MAST2: variants seen among roughly 807,000 people sequenced by gnomAD.
The protein encoded by MAST2 is microtubule-associated serine/threonine-protein kinase 2.
In MAST2, 70 loss-of-function variants were observed where a neutral mutation model predicts 147.4. That is an observed-to-expected ratio of 0.47 (90% confidence interval 0.39 to 0.58). The LOEUF (loss-of-function observed/expected upper bound fraction) is 0.58, where lower values mean the gene tolerates loss of function less well. Among genes scored for constraint, MAST2 ranks in the 20% least tolerant of loss-of-function variants. The probability of loss-of-function intolerance (pLI) is 0.00; values close to 1 mark genes in which losing one functional copy is unlikely to be tolerated. For synonymous variants in MAST2, 869 were observed against 896.8 expected, an observed-to-expected ratio of 0.97 and a Z score of 0.55; for missense variants, 2,080 against 2,302.3, an observed-to-expected ratio of 0.90 and a Z score of 1.98.
chr1:45,855,426 T>G (rs1645756378), intron 3 of MAST2, among the ~76,000 whole-genome samples: 1 of 152,110 alleles, frequency 6.6e-6, no homozygotes, highest in Admixed American at 6.6e-5. Flanking sequence ...ATGTTGTAAT[T>G]TTTAGCATAC....
At chr1:46,012,136 T>C (rs1007923764) in intron 10 of MAST2, among the ~76,000 whole-genome samples, 1 of 152,214 alleles carries the variant, frequency 6.6e-6, no homozygotes, top group Non-Finnish European at 1.5e-5. Context: ...TTGTTTCTGT[T>C]CAAGAAAAGG....
intron 10 of MAST2, 125 bp from the exon 11 acceptor site, chr1:46,019,471 C>A: frequency 1.4e-6 from 1 of 695,888 alleles, no homozygotes; most frequent in Non-Finnish European, 2.4e-6. Context: ...CTCTGAGTTC[C>A]TTGCTTTGCG....
chr1:45,835,526 C>T (rs965190946), intron 3 of MAST2, among the ~76,000 whole-genome samples: 2 of 152,076 alleles, frequency 1.3e-5, no homozygotes, highest in African/African-American at 2.4e-5. Flanking sequence ...TTCTGTTGAA[C>T]ATTTTATCAT....
Position 45,959,355 on chromosome 1 carries a change from T to A in MAST2, c.501-31T>A, listed in dbSNP as rs1432065331. On this transcript the variant is annotated intron_variant, in intron 4 of 28. Transcript: ENST00000361297. ...GGTCTCTGGGCCCATGGTGTGGCCC[T>A]ATTATAATTCATATTTTGTTTTCAT... 1.9e-6 allele frequency: 3 copies of A among 1,578,856 alleles called. No individual in the cohort carries two copies. The African/African-American group carries it at 4.0e-5, about 21-fold the overall frequency.
rs532741178 is a variant in MAST2 at position 45,955,570 on chromosome 1, A to C, written c.501-3816A>C. 4.2e-4 allele frequency among the ~76,000 whole-genome samples: 64 copies of C among 152,236 alleles called. 1 individual carries two copies. Among genetic ancestry groups the C allele is most frequent in the African/African-American group, 1.4e-3 (59 of 41,552 alleles). On this transcript the variant is annotated intron_variant, in intron 4 of 28. Transcript: ENST00000361297. ...TGGGAGGGTTTGCAATTTTAAATAGAATGATCGGGGAAAATTCACCCAGAA... is the reference window on the plus strand; with the variant it reads ...TGGGAGGGTTTGCAATTTTAAATAGCATGATCGGGGAAAATTCACCCAGAA...
intron 4 of MAST2, among the ~76,000 whole-genome samples, chr1:45,883,168 A>C (rs1038921637): frequency 6.6e-6 from 1 of 152,248 alleles, no homozygotes; most frequent in African/African-American, 2.4e-5. Flanking sequence ...GCTGTGATAA[A>C]ACAATGGCTT....
At chr1:45,850,953 T>G (rs796210678) in intron 3 of MAST2, among the ~76,000 whole-genome samples, 2 of 152,090 alleles carry the variant, frequency 1.3e-5, no homozygotes, top group Admixed American at 6.6e-5. Context: ...TTTGAGCTCT[T>G]TTTTGGTTTC....
At chr1:46,033,199 G>T (rs1222264922) in intron 26 of MAST2, among the ~76,000 whole-genome samples, 1 of 151,804 alleles carries the variant, frequency 6.6e-6, no homozygotes, top group East Asian at 1.9e-4. Context: ...GCTTGAACCT[G>T]GAAGGCAGTT....
chr1:45,930,391 T>TTTTTTGTTTTG (rs1553235604), intron 4 of MAST2, among the ~76,000 whole-genome samples: 65 of 147,278 alleles, frequency 4.4e-4, no homozygotes, highest in African/African-American at 1.1e-3. Flanking sequence ...TTTTTTGTTT[T>TTTTTTGTTTTG]TTTTGTTTTG....
At chr1:45,942,486 C>A (rs546279019) in intron 4 of MAST2, among the ~76,000 whole-genome samples, 1 of 152,110 alleles carries the variant, frequency 6.6e-6, no homozygotes, top group Non-Finnish European at 1.5e-5. Context: ...GCTGAGAATT[C>A]GGTGCTTGTA....
intron 1 of MAST2, among the ~76,000 whole-genome samples, chr1:45,805,446 C>G (rs1305108304): frequency 7.6e-6 from 1 of 132,270 alleles, no homozygotes; most frequent in Non-Finnish European, 1.6e-5. Context: ...CCATCTCTGC[C>G]CCGCTTCTAG....
intron 3 of MAST2, among the ~76,000 whole-genome samples, chr1:45,849,676 G>A (rs938617071): frequency 3.9e-5 from 6 of 152,052 alleles, no homozygotes; most frequent in South Asian, 2.1e-4. Context: ...ACAGGCGCCC[G>A]CCACCACACC....
At chr1:45,978,080 A>G (rs1644247753) in intron 5 of MAST2, among the ~76,000 whole-genome samples, 1 of 152,032 alleles carries the variant, frequency 6.6e-6, no homozygotes, top group South Asian at 2.1e-4. Flanking sequence ...CAAAAACCAC[A>G]CAAAAAAACC....
At chr1:45,928,680 A>T (rs1311180673) in intron 4 of MAST2, among the ~76,000 whole-genome samples, 2 of 151,760 alleles carry the variant, frequency 1.3e-5, no homozygotes, top group Admixed American at 6.6e-5. Context: ...CTCCAGGCTC[A>T]AACAATCCTC....
At chr1:45,863,991 C>G (rs1018065934) in intron 3 of MAST2, among the ~76,000 whole-genome samples, 2 of 152,102 alleles carry the variant, frequency 1.3e-5, no homozygotes, top group African/African-American at 4.8e-5. Context: ...CTGACAATTA[C>G]CATAAAGTTG....
intron 5 of MAST2, among the ~76,000 whole-genome samples, chr1:45,987,768 TTTTTTTTGA>T (rs1644690908): frequency 7.8e-6 from 1 of 128,190 alleles, no homozygotes. Context: ...TCTTGTTTTT[TTTTTTTTGA>T]TTTTTTTTTT....
chr1:45,961,056 A>G (rs1660346268), intron 5 of MAST2, among the ~76,000 whole-genome samples: 1 of 152,298 alleles, frequency 6.6e-6, no homozygotes, highest in East Asian at 1.9e-4. Flanking sequence ...TCTTTGGCTC[A>G]GATTCTCTTA....
intron 1 of MAST2, among the ~76,000 whole-genome samples, chr1:45,818,715 T>G (rs1396428339): frequency 2.0e-5 from 3 of 152,188 alleles, no homozygotes; most frequent in Admixed American, 2.0e-4. Flanking sequence ...TTTGCAAAAC[T>G]TTTTGAACCA....
intron 4 of MAST2, among the ~76,000 whole-genome samples, chr1:45,928,228 A>C (rs990641277): frequency 1.3e-5 from 2 of 152,168 alleles, no homozygotes; most frequent in Admixed American, 6.5e-5. Context: ...GCAAATCTCA[A>C]ATTTTATGTC....
Sources: gnomAD v4.1 joint callset for allele counts (sites outside exome capture counted in the v4.1 genomes callset) on GRCh38, gnomAD v4.1.1 for gene constraint, MANE v1.5 for transcripts, NCBI Gene and HGNC (gene_info 2026-07-23, HGNC 2026-07-21) for gene names.